CCDC91: variants seen among roughly 807,000 people sequenced by gnomAD.
CCDC91 encodes the protein coiled-coil domain containing 91.
Under a neutral mutation model 63.2 loss-of-function variants are expected in CCDC91, and 48 were observed. The observed-to-expected ratio is 0.76, with a 90% CI of 0.60 to 0.97. The LOEUF (loss-of-function observed/expected upper bound fraction) is 0.97. CCDC91 is among the 50% of genes least tolerant of loss of function. The pLI is 0.00. For synonymous variants in CCDC91, 167 were observed against 165.8 expected (o/e 1.01, Z -0.06); for missense variants, 500 against 494.6 (o/e 1.01, Z -0.10).
intron 1 of CCDC91, among the ~76,000 whole-genome samples, chr12:28,240,995 A>C (rs975339303): frequency 9.9e-5 from 15 of 152,244 alleles, no homozygotes; most frequent in East Asian, 9.7e-4. Context: ...GAAAAAGTGG[A>C]TCTTTCAAAC....
intron 1 of CCDC91, among the ~76,000 whole-genome samples, chr12:28,198,044 G>T (rs536855790): frequency 6.6e-6 from 1 of 152,202 alleles, no homozygotes; most frequent in East Asian, 1.9e-4. Context: ...GTTTTCCTTA[G>T]AAGGATATGT....
chr12:28,536,944 A>G (rs1465360532), intron 12 of CCDC91, among the ~76,000 whole-genome samples: 1 of 152,176 alleles, frequency 6.6e-6, no homozygotes, highest in African/African-American at 2.4e-5. Context: ...GTATAAATAT[A>G]TATGCCATAA....
chr12:28,516,204 A>G (rs1278829182), intron 12 of CCDC91, among the ~76,000 whole-genome samples: 2 of 151,914 alleles, frequency 1.3e-5, no homozygotes, highest in Admixed American at 6.6e-5. Context: ...AAAGTTAATG[A>G]TTTTAAAAAA....
intron 11 of CCDC91, among the ~76,000 whole-genome samples, chr12:28,471,379 T>C (rs1480120520): frequency 1.3e-5 from 2 of 152,184 alleles, no homozygotes; most frequent in African/African-American, 4.8e-5. Context: ...TCGAAACTTT[T>C]ACCTCTCATA....
intron 12 of CCDC91, among the ~76,000 whole-genome samples, chr12:28,486,250 G>C (rs1214503021): frequency 6.6e-6 from 1 of 152,122 alleles, no homozygotes; most frequent in Admixed American, 6.6e-5. Flanking sequence ...TTCTGTGACT[G>C]GCTTATTTCA....
intron 11 of CCDC91, among the ~76,000 whole-genome samples, chr12:28,455,138 T>C (rs1302046292): frequency 7.6e-6 from 1 of 130,774 alleles, no homozygotes; most frequent in Admixed American, 7.8e-5. Context: ...AAAATAGGCA[T>C]GTAGAAAACA....
chr12:28,288,864 G>A (rs146770548), intron 3 of CCDC91, among the ~76,000 whole-genome samples: 1 of 152,252 alleles, frequency 6.6e-6, no homozygotes, highest in African/African-American at 2.4e-5. Flanking sequence ...TTGCGAGCTT[G>A]TTATTGATCT....
At chr12:28,483,872 A>G (rs570101507) in intron 11 of CCDC91, among the ~76,000 whole-genome samples, 180 bp from the exon 12 acceptor site, 1 of 152,250 alleles carries the variant, frequency 6.6e-6, no homozygotes, top group East Asian at 1.9e-4. Context: ...TAGGAAAGGG[A>G]GTTCTGTGAA....
intron 10 of CCDC91, among the ~76,000 whole-genome samples, chr12:28,451,771 C>A (rs1303106906): frequency 6.6e-6 from 1 of 151,490 alleles, no homozygotes; most frequent in Non-Finnish European, 1.5e-5. Flanking sequence ...TGACACCTAA[C>A]CTTTAAGAAC....
chr12:28,379,370 C>A (rs1208796443), intron 7 of CCDC91, among the ~76,000 whole-genome samples: 2 of 146,150 alleles, frequency 1.4e-5, no homozygotes, highest in African/African-American at 5.1e-5. Context: ...AGGCAACCTA[C>A]AGAATGGGAG....
intron 1 of CCDC91, chr12:28,198,897 T>C (rs1941985515): frequency 1.3e-5 from 2 of 151,768 alleles, no homozygotes; most frequent in Admixed American, 1.3e-4. Context: ...TATTTTCTAA[T>C]GTACCATTTT....
chr12:28,323,075 A>G (rs1433378301), intron 6 of CCDC91, among the ~76,000 whole-genome samples: 1 of 151,290 alleles, frequency 6.6e-6, no homozygotes, highest in Non-Finnish European at 1.5e-5. Flanking sequence ...TTTATCATAT[A>G]TTCTGGAATT....
At chr12:28,315,568 T>C (rs954249049) in intron 6 of CCDC91, among the ~76,000 whole-genome samples, 2 of 152,072 alleles carry the variant, frequency 1.3e-5, no homozygotes, top group African/African-American at 4.8e-5. Context: ...CTGTTTTGCT[T>C]CACTTATTTG....
At chr12:28,331,699 C>T (rs966817675) in intron 6 of CCDC91, among the ~76,000 whole-genome samples, 6 of 152,096 alleles carry the variant, frequency 3.9e-5, no homozygotes, top group African/African-American at 1.4e-4. Context: ...ATATAGTAAG[C>T]ATGCTTTAGT....
intron 3 of CCDC91, among the ~76,000 whole-genome samples, chr12:28,265,286 TC>T (rs2136265590): frequency 6.6e-6 from 1 of 152,118 alleles, no homozygotes; most frequent in South Asian, 2.1e-4. Flanking sequence ...AAACAAGCTA[TC>T]CAGATAGATA....
chr12:28,341,525 T>C (rs190092856), intron 6 of CCDC91, among the ~76,000 whole-genome samples: 5 of 152,326 alleles, frequency 3.3e-5, no homozygotes, highest in East Asian at 3.9e-4. Flanking sequence ...ATTAGTAACA[T>C]TGATTTCATT....
chr12:28,447,809 A>AAGGGAGGGGAG (rs1565988482), intron 8 of CCDC91, among the ~76,000 whole-genome samples: 1 of 4,656 alleles, frequency 2.1e-4, no homozygotes, highest in East Asian at 9.4e-3. Flanking sequence ...AGGGGAGGGG[A>AAGGGAGGGGAG]GGGAGGGGAA....
chr12:28,362,507 G>T lies in CCDC91; in HGVS notation c.646G>T (p.Glu216Ter). The T allele has an allele frequency of 6.3e-7, 1 of 1,589,720 alleles. No homozygotes were observed. Among genetic ancestry groups the T allele is most frequent in the Non-Finnish European group, 8.6e-7 (1 of 1,166,698 alleles). ...CGAAGCCCTCAGCATTATTGTGGAT[G>T]AATATAAGGTAGAGGTTTGAGAGTG... ...GHEALSIIVD[E>*]YKALLQSSVK... is the part of the protein sequence containing the mutation. The change falls in exon 7 of 13, where the codon GAA becomes TAA. Residue 216 changes from glutamate to a stop codon, truncating the protein, a stop_gained. Transcript: ENST00000536442. LOFTEE classifies it high-confidence loss of function.
intron 3 of CCDC91, among the ~76,000 whole-genome samples, chr12:28,290,653 C>T (rs1240552674): frequency 6.6e-6 from 1 of 152,096 alleles, no homozygotes; most frequent in Non-Finnish European, 1.5e-5. Context: ...CCAAATAAAG[C>T]TTTCATCAAT....
Sources: allele counts gnomAD v4.1 joint callset (sites outside exome capture counted in the v4.1 genomes callset), GRCh38; gene constraint gnomAD v4.1.1; transcripts MANE v1.5; gene names NCBI Gene and HGNC (gene_info 2026-07-23, HGNC 2026-07-21).